SRPK2: variants seen among roughly 807,000 people sequenced by gnomAD.
SRPK2 encodes SFRS protein kinase 2.
In SRPK2, 21 loss-of-function variants were observed where a neutral mutation model predicts 90.8. That is an observed-to-expected ratio of 0.23 (90% CI 0.16 to 0.33). The LOEUF (loss-of-function observed/expected upper bound fraction) is 0.33, where lower values mean the gene tolerates loss of function less well. SRPK2 is among the 10% of genes least tolerant of loss of function. The pLI is 1.00. For missense variants in SRPK2, 620 were observed against 869.0 expected (o/e 0.71, Z 3.60); for synonymous variants, 288 against 311.1 (o/e 0.93, Z 0.78).
intron 2 of SRPK2, among the ~76,000 whole-genome samples, chr7:105,256,662 A>G (rs1199829398): frequency 6.6e-6 from 1 of 152,128 alleles, no homozygotes; most frequent in Non-Finnish European, 1.5e-5. Flanking sequence ...TCAGCCACAC[A>G]AGCATTTAAA....
At chr7:105,362,516 CA>C (rs1204929885) in intron 2 of SRPK2, among the ~76,000 whole-genome samples, 2,893 of 58,098 alleles carry the variant, frequency 0.05, 53 homozygotes, top group African/African-American at 0.13. Flanking sequence ...GACTCTGTCT[CA>C]AAAAAAAAAA....
At chr7:105,255,333 A>G (rs936951770) in intron 2 of SRPK2, among the ~76,000 whole-genome samples, 4 of 151,926 alleles carry the variant, frequency 2.6e-5, no homozygotes, top group Non-Finnish European at 5.9e-5. Context: ...CTGCGTGTGC[A>G]TCTGACTATC....
intron 2 of SRPK2, among the ~76,000 whole-genome samples, chr7:105,220,055 A>T (rs1484233339): frequency 1.3e-5 from 2 of 152,268 alleles, no homozygotes; most frequent in African/African-American, 4.8e-5. Flanking sequence ...AAGAACTCAA[A>T]TAGTATCTGA....
intron 3 of SRPK2, among the ~76,000 whole-genome samples, chr7:105,176,773 G>GTA (rs61522594): frequency 3.5e-4 from 28 of 80,188 alleles, no homozygotes; most frequent in African/African-American, 7.9e-4. Context: ...GTGTGTGTGT[G>GTA]TATATATATA....
intron 2 of SRPK2, among the ~76,000 whole-genome samples, chr7:105,273,607 T>C (rs969464139): frequency 6.6e-6 from 1 of 151,960 alleles, no homozygotes; most frequent in African/African-American, 2.4e-5. Context: ...CTCACTTTTC[T>C]AATCTCAGTC....
rs556828001 is a variant in SRPK2, at chr7:105,371,580, T to A, written c.71+17068A>T. Among the ~76,000 whole-genome samples, 20 of 77,888 alleles carry A rather than the reference T, an allele frequency of 2.6e-4. 1 individual carries two copies. In the South Asian group the frequency reaches 5.4e-3, roughly 21 times the overall value. 51.1% of individuals were successfully genotyped at this position (77,888 alleles called of 152,430 possible). On this transcript the variant is annotated intron_variant, in intron 2 of 15. Coordinates refer to ENST00000393651, the MANE Select transcript of SRPK2 (RefSeq NM_182692.3). ...CAGCCTGGGCAACAGTGAGACCCCATCTCTACAAAAAAAAAAAAAAAAAAC... is the reference window on the plus strand; with the variant it reads ...CAGCCTGGGCAACAGTGAGACCCCAACTCTACAAAAAAAAAAAAAAAAAAC...
upstream of SRPK2, chr7:105,389,146 G>C (rs893551379): frequency 1.0e-6 from 1 of 986,506 alleles, no homozygotes; most frequent in South Asian, 4.2e-5. Context: ...CCGGGCCTCC[G>C]CCTCCTGCGA....
chr7:105,199,896 TAA>T (rs67036595), intron 3 of SRPK2, among the ~76,000 whole-genome samples: 59,949 of 138,022 alleles, frequency 0.43, 13,808 homozygotes, highest in Non-Finnish European at 0.52. Context: ...TTGTTTAATT[TAA>T]AAAAAAAAAA....
intron 2 of SRPK2, among the ~76,000 whole-genome samples, chr7:105,366,403 C>T (rs4730081): frequency 0.28 from 40,427 of 144,616 alleles, 6,040 homozygotes; most frequent in Middle Eastern, 0.36. Flanking sequence ...GGAGTGTCAC[C>T]CTGTCGCACA....
intron 12 of SRPK2, 25 bp from the exon 13 acceptor site, chr7:105,132,923 C>T (rs1305265348): frequency 1.2e-6 from 2 of 1,612,442 alleles, no homozygotes; most frequent in East Asian, 2.2e-5. Context: ...GCTGCATTAC[C>T]ACGGAGCAAC....
intron 2 of SRPK2, among the ~76,000 whole-genome samples, chr7:105,320,076 T>G (rs944159146): frequency 1.3e-5 from 2 of 152,200 alleles, no homozygotes; most frequent in Non-Finnish European, 2.9e-5. Context: ...CTTTATTAAA[T>G]CTTCACACAG....
At chr7:105,391,401 C>T (rs1246553175), upstream of SRPK2, among the ~76,000 whole-genome samples, 1 of 152,062 alleles carries the variant, frequency 6.6e-6, no homozygotes, top group Non-Finnish European at 1.5e-5. Context: ...TCTGGGGTTT[C>T]TCCATGTTGG....
At chr7:105,132,685 C>T (rs1022167763) in intron 13 of SRPK2, 106 bp downstream of exon 13, 3 of 875,162 alleles carry the variant, frequency 3.4e-6, no homozygotes, top group South Asian at 1.7e-5. Flanking sequence ...ATGACCCTTA[C>T]AGTCAGAAAA....
In SRPK2 at chr7:105,142,504, T is replaced by C; in HGVS notation, c.1061-14A>G. The C allele has an allele frequency of 6.3e-7, 1 of 1,594,682 alleles. No homozygotes were observed. On this transcript the variant is annotated splice_polypyrimidine_tract_variant and intron_variant, in intron 10 of 15. Coordinates refer to ENST00000393651, the MANE Select transcript of SRPK2 (RefSeq NM_182692.3). ...CCTCAGCTTCACCTTAAGAATTTGA[T>C]GGGTCAAGAATTAGAACTTGTTACT...
intron 9 of SRPK2, 108 bp from the exon 10 acceptor site, chr7:105,143,438 T>C (rs1804092013): frequency 2.2e-6 from 3 of 1,384,696 alleles, no homozygotes; most frequent in Non-Finnish European, 2.9e-6. Flanking sequence ...TCTCATGCCA[T>C]ATTCTATTAA....
At chr7:105,256,711 G>A (rs1333573470) in intron 2 of SRPK2, among the ~76,000 whole-genome samples, 2 of 151,952 alleles carry the variant, frequency 1.3e-5, no homozygotes, top group Admixed American at 6.6e-5. Context: ...TGTTCAACTC[G>A]TAAAAAAAAT....
At chr7:105,342,331 A>G (rs1384841782) in intron 2 of SRPK2, among the ~76,000 whole-genome samples, 1 of 148,478 alleles carries the variant, frequency 6.7e-6, no homozygotes, top group African/African-American at 2.5e-5. Flanking sequence ...TCTCAAATTA[A>G]TAATAATAAT....
chr7:105,150,105 T>A (rs1442899550), intron 7 of SRPK2, among the ~76,000 whole-genome samples: 1 of 152,118 alleles, frequency 6.6e-6, no homozygotes, highest in African/African-American at 2.4e-5. Flanking sequence ...AATAAGATAC[T>A]GACAAGTTCC....
At chr7:105,182,415 G>A (rs569683375) in intron 3 of SRPK2, among the ~76,000 whole-genome samples, 1 of 150,034 alleles carries the variant, frequency 6.7e-6, no homozygotes, top group African/African-American at 2.4e-5. Flanking sequence ...AGAGCCTTGA[G>A]ATTTGTGCAA....
Sources: allele counts gnomAD v4.1 joint callset (sites outside exome capture counted in the v4.1 genomes callset), GRCh38; gene constraint gnomAD v4.1.1; transcripts MANE v1.5; gene names NCBI Gene and HGNC (gene_info 2026-07-23, HGNC 2026-07-21).